The following NAA25 variants were observed in gnomAD, a reference collection of about 807,000 sequenced individuals.
NAA25 encodes the protein N-terminal acetyltransferase B complex subunit NAA25.
NAA25 carries 30 observed loss-of-function variants against 132.5 expected under a neutral mutation model. That is an observed-to-expected ratio of 0.23 (90% confidence interval 0.17 to 0.31). NAA25 has a LOEUF of 0.31. Among genes scored for constraint, NAA25 ranks in the 10% least tolerant of loss-of-function variants. The pLI is 1.00. For missense variants in NAA25, 771 were observed against 1,150.4 expected, an observed-to-expected ratio of 0.67 and a Z score of 4.77; for synonymous variants, 359 against 401.9, an observed-to-expected ratio of 0.89 and a Z score of 1.28.
At position 112,091,084 on chromosome 12, in the gene NAA25, G is replaced by A. The variant is rs566879595; in HGVS notation, c.145-220C>T. On this transcript the variant is annotated intron_variant, in intron 2 of 23. Coordinates refer to ENST00000261745, the MANE Select transcript of NAA25 (RefSeq NM_024953.4). ...GGAGTTCAAGACCAGCCTGGGCAAC[G>A]TGGTGAGACTCCATCTCTACAAAAA... 8.6e-5 allele frequency among the ~76,000 whole-genome samples: 13 copies of A among 151,402 alleles called. No individual in the cohort carries two copies. In the South Asian group the frequency reaches 2.1e-3, roughly 24 times the overall value.
intron 1 of NAA25, among the ~76,000 whole-genome samples, chr12:112,104,974 G>C (rs918983165): frequency 6.6e-6 from 1 of 151,612 alleles, no homozygotes; most frequent in Non-Finnish European, 1.5e-5. Context: ...CCAAGATCGC[G>C]CCACTGCATT....
chr12:112,075,812 T>G (rs1178375073), intron 7 of NAA25, 23 bp from the exon 8 acceptor site: 2 of 1,598,542 alleles, frequency 1.3e-6, no homozygotes, highest in East Asian at 2.2e-5. Flanking sequence ...GTTATAAAAG[T>G]TGGTAAGCTG....
At chr12:112,034,514 T>A (rs1482145078) in intron 22 of NAA25, 2 of 152,158 alleles carry the variant, frequency 1.3e-5, no homozygotes, top group Non-Finnish European at 2.9e-5. Flanking sequence ...TAATCCCAGC[T>A]ACTCCGGAGG....
At chr12:112,107,856 G>A (rs894181797) in intron 1 of NAA25, among the ~76,000 whole-genome samples, 1 of 152,194 alleles carries the variant, frequency 6.6e-6, no homozygotes, top group Non-Finnish European at 1.5e-5. Flanking sequence ...TATTGGAAAA[G>A]GGTTTCTCCC....
chr12:112,081,595 GTTCC>G (rs995279742), intron 4 of NAA25, among the ~76,000 whole-genome samples: 1 of 152,064 alleles, frequency 6.6e-6, no homozygotes, highest in African/African-American at 2.4e-5. Context: ...AAATAATATG[GTTCC>G]TTCAAGATTC....
At chr12:112,081,576 A>C (rs1252750858) in intron 4 of NAA25, among the ~76,000 whole-genome samples, 5 of 152,232 alleles carry the variant, frequency 3.3e-5, no homozygotes. Context: ...AATTCTTCTT[A>C]GCTTAGGAAA....
chr12:112,091,508 C>G (rs138747749), intron 2 of NAA25, among the ~76,000 whole-genome samples: 5 of 152,186 alleles, frequency 3.3e-5, no homozygotes, highest in Non-Finnish European at 5.9e-5. Context: ...AGGTAGGCAA[C>G]GTGGTGAGAT....
chr12:112,056,669 G>C (rs1256631641), intron 13 of NAA25, among the ~76,000 whole-genome samples: 2 of 152,260 alleles, frequency 1.3e-5, no homozygotes, highest in Non-Finnish European at 1.5e-5. Context: ...TGATTTCTAA[G>C]TTCTGCCAGG....
At chr12:112,030,210 CAAAAAAAAAAA>C (rs67757055) in intron 23 of NAA25, among the ~76,000 whole-genome samples, 9 of 53,378 alleles carry the variant, frequency 1.7e-4, no homozygotes, top group African/African-American at 4.3e-4. Flanking sequence ...AAAGCTGTCT[CAAAAAAAAAAA>C]AAAAAAAAAA....
At chr12:112,033,402 G>C (rs758153744) in intron 22 of NAA25, 23 bp from the exon 23 acceptor site, 30 of 1,585,586 alleles carry the variant, frequency 1.9e-5, no homozygotes, top group Non-Finnish European at 2.2e-5. Flanking sequence ...TTAAAAAAGA[G>C]TTGAAACATT....
intron 2 of NAA25, 81 bp from the exon 3 acceptor site, chr12:112,090,945 A>G (rs2079119281): frequency 7.3e-7 from 1 of 1,375,314 alleles, no homozygotes; most frequent in Non-Finnish European, 1.0e-6. Flanking sequence ...CTGAAAGAAC[A>G]AGTATTAAGT....
chr12:112,053,821 T>TAAAAAAAAAAAAAAAAAAAAAA (rs4041251), intron 14 of NAA25, among the ~76,000 whole-genome samples, 164 bp from the exon 15 acceptor site: 1 of 114,346 alleles, frequency 8.7e-6, no homozygotes, highest in African/African-American at 3.2e-5. Flanking sequence ...AGTTAAAATT[T>TAAAAAAAAAAAAAAAAAAAAAA]AAAAAAAAAA....
At chr12:112,076,710 G>A (rs949977681) in intron 7 of NAA25, among the ~76,000 whole-genome samples, 1 of 150,760 alleles carries the variant, frequency 6.6e-6, no homozygotes, top group African/African-American at 2.4e-5. Context: ...AAAAAAAAAA[G>A]GGCCAGGCCT....
chr12:112,031,700 T>C (rs2078152457), intron 23 of NAA25, among the ~76,000 whole-genome samples: 1 of 151,922 alleles, frequency 6.6e-6, no homozygotes, highest in African/African-American at 2.4e-5. Flanking sequence ...GCCTATCACC[T>C]TCATATCTAA....
rs2078731274 is a variant in NAA25, at chr12:112,067,212, A to C, written c.1149+1668T>G. Among the ~76,000 whole-genome samples, 3 of 152,296 alleles carry C rather than the reference A, an allele frequency of 2.0e-5. No individual in the cohort carries two copies. In the South Asian group the frequency reaches 6.2e-4, roughly 32 times the overall value. On this transcript the variant is annotated intron_variant, in intron 11 of 23. Transcript: ENST00000261745. ...AGAGCAAGACTCCGTCTCAAAAAAAAAGAAACAAAGAAACAAGACATTAAA... is the reference window on the plus strand; with the variant it reads ...AGAGCAAGACTCCGTCTCAAAAAAACAGAAACAAAGAAACAAGACATTAAA...
rs1367241936 is a variant in NAA25, at chr12:112,048,332, T to C, written c.1840A>G (p.Thr614Ala). ...NNSLHFAQVR[T>A]ERMLLDLLLE... is the part of the protein sequence containing the mutation. ...AGAAGGTCTAACAGCATCCGTTCAG[T>C]ACGGACTTGTGCAAAATGAAGAGAA... Residue 614 changes from threonine (T) to alanine (A), a missense_variant, in exon 16 of 24, where the codon ACT becomes GCT. By Grantham distance (58) the Thr-to-Ala change is moderately conservative. Coordinates refer to ENST00000261745, the MANE Select transcript of NAA25 (RefSeq NM_024953.4). 19 of 1,614,026 alleles carry C rather than the reference T, an allele frequency of 1.2e-5. No homozygotes were observed. Among genetic ancestry groups the C allele is most frequent in the Non-Finnish European group, 1.6e-5 (19 of 1,180,014 alleles).
In NAA25 at chr12:112,072,103, T is replaced by C. The variant is rs778661335; in HGVS notation, c.867-39A>G. ...CATGAAAAAGGAATTTTATTGCCTC[T>C]ATTGTCCTTCCCGAAGCTTAAAGTC... On this transcript the variant is annotated intron_variant, in intron 9 of 23. Coordinates refer to ENST00000261745, the MANE Select transcript of NAA25 (RefSeq NM_024953.4). 4.5e-6 allele frequency: 7 copies of C among 1,560,654 alleles called. No homozygotes were observed. The South Asian group carries it at 4.7e-5, about 11-fold the overall frequency.
intron 11 of NAA25, among the ~76,000 whole-genome samples, chr12:112,066,335 G>A (rs972840347): frequency 3.9e-5 from 6 of 152,144 alleles, no homozygotes; most frequent in East Asian, 1.9e-4. Flanking sequence ...CAATATGCTC[G>A]ACACTTACTG....
intron 7 of NAA25, 127 bp from the exon 8 acceptor site, chr12:112,075,916 CTT>C (rs768725085): frequency 1.8e-4 from 120 of 684,580 alleles, no homozygotes; most frequent in African/African-American, 4.6e-4. Context: ...GAGTTTCACT[CTT>C]GTCACCCAGG....
Sources: gnomAD v4.1 joint callset for allele counts (sites outside exome capture counted in the v4.1 genomes callset) on GRCh38, gnomAD v4.1.1 for gene constraint, MANE v1.5 for transcripts, NCBI Gene and HGNC (gene_info 2026-07-23, HGNC 2026-07-21) for gene names.